PDZD2: variants seen among roughly 807,000 people sequenced by gnomAD.
PDZD2 encodes the protein PDZ domain-containing protein 2.
Under a neutral mutation model 220.7 loss-of-function variants are expected in PDZD2, and 90 were observed. The ratio of observed to expected loss-of-function variants is 0.41; its 90% CI spans 0.34 to 0.49. PDZD2 has a LOEUF of 0.49. Among genes scored for constraint, PDZD2 ranks in the 20% least tolerant of loss-of-function variants. The pLI is 0.28. For missense variants in PDZD2, 3,174 were observed against 3,608.5 expected (o/e 0.88, Z 3.08); for synonymous variants, 1,375 against 1,450.5 (o/e 0.95, Z 1.18).
At chr5:31,695,940 G>C (rs1580579280) in intron 1 of PDZD2, among the ~76,000 whole-genome samples, 1 of 152,122 alleles carries the variant, frequency 6.6e-6, no homozygotes, top group Non-Finnish European at 1.5e-5. Context: ...GGCATCTTTT[G>C]ATTCTCTTCC....
At chr5:31,767,027 C>CTTTTTTTTTT (rs3032828) in intron 1 of PDZD2, among the ~76,000 whole-genome samples, 9 of 94,294 alleles carry the variant, frequency 9.5e-5, no homozygotes, top group African/African-American at 3.0e-4. Context: ...TGCACCCAGC[C>CTTTTTTTTTT]TTTTTTTTTT....
At chr5:31,961,549 A>G (rs1003755507) in intron 2 of PDZD2, among the ~76,000 whole-genome samples, 5 of 151,976 alleles carry the variant, frequency 3.3e-5, no homozygotes, top group African/African-American at 1.2e-4. Context: ...ATAAAATACA[A>G]TACAGCTTCA....
At chr5:32,032,306 CT>C (rs1755185716) in intron 6 of PDZD2, among the ~76,000 whole-genome samples, 1 of 152,164 alleles carries the variant, frequency 6.6e-6, no homozygotes, top group Non-Finnish European at 1.5e-5. Context: ...AGCTTTCCTG[CT>C]GATTCTGATG....
chr5:31,822,458 TC>T (rs200884655), intron 2 of PDZD2: 621 of 388,142 alleles, frequency 1.6e-3, no homozygotes, highest in African/African-American at 2.5e-3. Context: ...GTTTTTTTTT[TC>T]CCAAATCAAT....
chr5:31,807,778 G>A (rs1281704049), intron 2 of PDZD2, among the ~76,000 whole-genome samples: 1 of 152,104 alleles, frequency 6.6e-6, no homozygotes, highest in Non-Finnish European at 1.5e-5. Context: ...TCCTAGAAGA[G>A]GGGCCAGGAT....
intron 1 of PDZD2, among the ~76,000 whole-genome samples, chr5:31,688,819 A>C (rs1255896671): frequency 5.3e-5 from 8 of 152,186 alleles, no homozygotes; most frequent in Admixed American, 5.2e-4. Flanking sequence ...GGTTTCCCCA[A>C]GCAGGGGGTG....
chr5:32,078,659 A>AT (rs1741583028), intron 19 of PDZD2, among the ~76,000 whole-genome samples: 1 of 148,548 alleles, frequency 6.7e-6, no homozygotes. Flanking sequence ...AAAAAAAAAA[A>AT]GGAAATTAGT....
chr5:32,011,590 C>G (rs948047350), intron 6 of PDZD2, among the ~76,000 whole-genome samples: 1 of 152,116 alleles, frequency 6.6e-6, no homozygotes, highest in Non-Finnish European at 1.5e-5. Context: ...CTTATTAGCC[C>G]TTGTTCCCCA....
chr5:31,700,091 A>C (rs1034267911), intron 1 of PDZD2, among the ~76,000 whole-genome samples: 5 of 152,118 alleles, frequency 3.3e-5, no homozygotes, highest in Admixed American at 2.6e-4. Context: ...TGCAGTGCAC[A>C]GGTGATTTGG....
intron 2 of PDZD2, among the ~76,000 whole-genome samples, chr5:31,828,893 A>G (rs1756387580): frequency 6.6e-6 from 1 of 152,224 alleles, no homozygotes; most frequent in Non-Finnish European, 1.5e-5. Context: ...CAGATATATG[A>G]TTTGCAGATA....
At chr5:31,741,190 TGTAC>T (rs1233243396) in intron 1 of PDZD2, among the ~76,000 whole-genome samples, 1 of 99,072 alleles carries the variant, frequency 1.0e-5, no homozygotes, top group African/African-American at 4.2e-5. Context: ...TACAATAGTG[TGTAC>T]ACACACACAC....
At chr5:31,876,297 CT>C (rs56153944) in intron 2 of PDZD2, among the ~76,000 whole-genome samples, 74,350 of 141,282 alleles carry the variant, frequency 0.53, 19,977 homozygotes, top group African/African-American at 0.69. Flanking sequence ...AATTTTTTTT[CT>C]TTTTTTTTTT....
chr5:31,771,708 G>T (rs1201210961), intron 1 of PDZD2, among the ~76,000 whole-genome samples: 2 of 152,188 alleles, frequency 1.3e-5, no homozygotes, highest in Non-Finnish European at 2.9e-5. Flanking sequence ...ATGAGGCCAA[G>T]GTTAACTGCC....
chr5:31,864,403 G>C (rs1472811186), intron 2 of PDZD2, among the ~76,000 whole-genome samples: 1 of 152,074 alleles, frequency 6.6e-6, no homozygotes, highest in Admixed American at 6.6e-5. Context: ...TGTGCCTTCT[G>C]TTTCCTGCTG....
At chr5:31,710,975 GAC>G (rs2150138983) in intron 1 of PDZD2, among the ~76,000 whole-genome samples, 1 of 152,260 alleles carries the variant, frequency 6.6e-6, no homozygotes, top group African/African-American at 2.4e-5. Context: ...AAAGAAAAAA[GAC>G]ACACACAAAA....
chr5:31,887,830 G>A lies in PDZD2; in HGVS notation c.476+88106G>A, dbSNP rs187518599. On this transcript the variant is annotated intron_variant, in intron 2 of 24. Transcript: ENST00000438447. ...ATCAGTTTTATGTGCGGGGGAGGGG[G>A]GGAACAGCACTTTTTCTAAAGGAAA... Among the ~76,000 whole-genome samples the A allele has an allele frequency of 7.4e-5, 11 of 149,076 alleles. No homozygotes were observed. In the East Asian group the frequency reaches 2.1e-3, roughly 28 times the overall value.
intron 2 of PDZD2, among the ~76,000 whole-genome samples, chr5:31,891,690 A>G (rs1741058153): frequency 6.6e-6 from 1 of 152,114 alleles, no homozygotes; most frequent in Non-Finnish European, 1.5e-5. Flanking sequence ...AGGGAGGTCC[A>G]GGGTGGAATG....
At chr5:31,878,555 C>T (rs373719167) in intron 2 of PDZD2, among the ~76,000 whole-genome samples, 104 of 48,186 alleles carry the variant, frequency 2.2e-3, no homozygotes, top group East Asian at 7.2e-3. Flanking sequence ...ATGACCTCGG[C>T]TTTTTTTTTT....
intron 1 of PDZD2, chr5:31,742,402 A>G (rs2150167710): frequency 1.4e-5 from 2 of 139,232 alleles, no homozygotes; most frequent in South Asian, 4.7e-4. Flanking sequence ...TTATGTTTGA[A>G]AGTGTGACTT....
Sources: gnomAD v4.1 joint callset for allele counts (sites outside exome capture counted in the v4.1 genomes callset) on GRCh38, gnomAD v4.1.1 for gene constraint, MANE v1.5 for transcripts, NCBI Gene and HGNC (gene_info 2026-07-23, HGNC 2026-07-21) for gene names.